The following SPATA31H1 variants were observed in gnomAD, a reference collection of about 807,000 sequenced individuals.
SPATA31H1 encodes the protein SPATA31 subfamily H member 1.
chr2:27,541,074 G>C, the SPATA31H1 span, among the ~76,000 whole-genome samples: 1 of 143,180 alleles, frequency 7.0e-6, no homozygotes, highest in Non-Finnish European at 1.5e-5. Context: ...CCAAGATCAC[G>C]CCACTGCACT....
chr2:27,538,865 C>A, the SPATA31H1 span, among the ~76,000 whole-genome samples: 8 of 151,778 alleles, frequency 5.3e-5, no homozygotes, highest in Non-Finnish European at 1.2e-4. Context: ...TAAATTAATT[C>A]CCCAAGTATT....
chr2:27,582,561 G>A, the SPATA31H1 span: 11 of 1,537,284 alleles, frequency 7.2e-6, no homozygotes, highest in Non-Finnish European at 9.6e-6. Context: ...ATTGTCCTAA[G>A]TCTTCATCGT....
At chr2:27,537,888 T>C in the SPATA31H1 span, among the ~76,000 whole-genome samples, 1 of 152,116 alleles carries the variant, frequency 6.6e-6, no homozygotes, top group Non-Finnish European at 1.5e-5. Context: ...TATTTTGAAC[T>C]AGGGGGCTCT....
At chr2:27,580,851 A>T in the SPATA31H1 span, 2 of 1,614,184 alleles carry the variant, frequency 1.2e-6, no homozygotes, top group South Asian at 1.1e-5. Flanking sequence ...GCAGGAGGAC[A>T]TATTGTGGGG....
At chr2:27,573,383 A>G in the SPATA31H1 span, 1 of 398,444 alleles carries the variant, frequency 2.5e-6, no homozygotes, top group Non-Finnish European at 4.4e-6. Flanking sequence ...AAGGTGTGAA[A>G]TCTGTGCTAA....
chr2:27,561,161 T>C, the SPATA31H1 span, among the ~76,000 whole-genome samples: 2 of 152,166 alleles, frequency 1.3e-5, no homozygotes, highest in East Asian at 3.9e-4. Context: ...TGAAACCCTG[T>C]CCCTACGAAA....
At chr2:27,541,695 T>C in the SPATA31H1 span, among the ~76,000 whole-genome samples, 6 of 152,174 alleles carry the variant, frequency 3.9e-5, no homozygotes, top group Admixed American at 6.5e-5. Context: ...GTAAAATTTC[T>C]GTGGAGATAT....
the SPATA31H1 span, chr2:27,570,399 T>C: frequency 7.5e-6 from 3 of 398,928 alleles, no homozygotes; most frequent in Non-Finnish European, 1.3e-5. Context: ...ATTTTCTGAA[T>C]TGACTTCAAG....
chr2:27,582,066 A>T, the SPATA31H1 span: 1 of 1,614,008 alleles, frequency 6.2e-7, no homozygotes, highest in Non-Finnish European at 8.5e-7. Flanking sequence ...GAGATCTCAC[A>T]GGTCCTTTGA....
At chr2:27,569,799 C>G in the SPATA31H1 span, 1 of 398,654 alleles carries the variant, frequency 2.5e-6, no homozygotes, top group African/African-American at 2.1e-5. Flanking sequence ...AAATCTAGGC[C>G]CATCTCAGCC....
the SPATA31H1 span, among the ~76,000 whole-genome samples, chr2:27,538,024 A>G: frequency 6.6e-6 from 1 of 152,124 alleles, no homozygotes; most frequent in African/African-American, 2.4e-5. Context: ...ATACATTGGA[A>G]AAAAGATGTG....
chr2:27,543,832 C>T, the SPATA31H1 span, among the ~76,000 whole-genome samples: 1 of 151,960 alleles, frequency 6.6e-6, no homozygotes, highest in African/African-American at 2.4e-5. Flanking sequence ...ACCCAGTGCA[C>T]CTGCAGCTTC....
At chr2:27,577,274 T>C in the SPATA31H1 span, 1 of 1,613,912 alleles carries the variant, frequency 6.2e-7, no homozygotes, top group African/African-American at 1.3e-5. This position sits in a 1 kb window ranked among gnomAD's most constrained non-coding sequence, Gnocchi z 4.5. Flanking sequence ...TCCTAGAAAC[T>C]ATGGAATTGC....
chr2:27,540,439 C>A, the SPATA31H1 span, among the ~76,000 whole-genome samples: 11 of 125,846 alleles, frequency 8.7e-5, no homozygotes, highest in African/African-American at 1.6e-4. Context: ...ACTGGCCGGG[C>A]AGAGGGGCTC....
chr2:27,547,910 A>G, the SPATA31H1 span, among the ~76,000 whole-genome samples: 1 of 151,928 alleles, frequency 6.6e-6, no homozygotes, highest in East Asian at 1.9e-4. Flanking sequence ...GTATATCTAA[A>G]ACATAAGAAC....
chr2:27,566,098 G>C, the SPATA31H1 span: 1 of 717,456 alleles, frequency 1.4e-6, no homozygotes, highest in Admixed American at 2.0e-5. Flanking sequence ...AACCTGACAT[G>C]GTGAGTAAAG....
the SPATA31H1 span, chr2:27,580,502 A>C: frequency 6.2e-7 from 1 of 1,614,218 alleles, no homozygotes; most frequent in Middle Eastern, 1.6e-4. Context: ...GTAGAACCAC[A>C]ATAGAGAGTC....
At chr2:27,575,358 C>T in the SPATA31H1 span, 1 of 398,494 alleles carries the variant, frequency 2.5e-6, no homozygotes. The surrounding 1 kb of genome is among the most constrained non-coding windows in gnomAD (Gnocchi z 4.1). Context: ...CAATCCTGAG[C>T]CACATCTGCA....
the SPATA31H1 span, chr2:27,565,481 T>C: frequency 4.7e-5 from 33 of 696,910 alleles, no homozygotes; most frequent in East Asian, 8.6e-4. Context: ...TGGAGGGAGG[T>C]TGAAAAAGAG....
Sources: allele counts gnomAD v4.1 joint callset (sites outside exome capture counted in the v4.1 genomes callset), GRCh38; gene constraint gnomAD v4.1.1; non-coding constraint Gnocchi (gnomAD v3.1); transcripts MANE v1.5; gene names NCBI Gene and HGNC (gene_info 2026-07-23, HGNC 2026-07-21).